Variants in DNAH5 observed in about 807,000 individuals in gnomAD.
The protein encoded by DNAH5 is axonemal beta dynein heavy chain 5.
DNAH5 carries 372 observed loss-of-function variants against 518.2 expected under a neutral mutation model. The observed-to-expected ratio is 0.72, with a 90% confidence interval of 0.66 to 0.78. DNAH5 has a LOEUF of 0.78. DNAH5 is among the 30% of genes least tolerant of loss of function. The pLI is 0.00. For synonymous variants in DNAH5, 2,039 were observed against 2,025.9 expected, an observed-to-expected ratio of 1.01 and a Z score of -0.17; for missense variants, 5,523 against 5,687.0, an observed-to-expected ratio of 0.97 and a Z score of 0.93.
At position 13,829,518 on chromosome 5, in the gene DNAH5, A is replaced by C; in HGVS notation, c.6436T>G (p.Ser2146Ala). Residue 2146 changes from serine (S) to alanine (A), a missense_variant, in exon 38 of 79, where the codon TCT becomes GCT. Physicochemically the swap from Ser to Ala is moderately conservative, Grantham distance 99. Transcript: ENST00000265104. ...CCTCCAGGATGACACACCTGCTTAGAAAGCTGCTCCTCACACAGTTTGTAG... is the reference window on the plus strand; with the variant it reads ...CCTCCAGGATGACACACCTGCTTAGCAAGCTGCTCCTCACACAGTTTGTAG... ...TLYKLCEEQL[S>A]KQVHYDFGLR... 6.2e-7 allele frequency: 1 copy of C among 1,614,208 alleles called. No homozygotes were observed. The highest frequency in any genetic ancestry group is 8.5e-7 in the Non-Finnish European group (1 of 1,180,030).
At chr5:13,711,397 C>T (rs1727095637) in intron 75 of DNAH5, among the ~76,000 whole-genome samples, 1 of 152,066 alleles carries the variant, frequency 6.6e-6, no homozygotes, top group South Asian at 2.1e-4. Context: ...TATGACAAAC[C>T]CACAACCAAC....
chr5:13,691,643 T>C lies in DNAH5; in HGVS notation c.*341A>G, dbSNP rs530012105. On this transcript the variant is annotated 3_prime_UTR_variant, in exon 79 of 79. Transcript: ENST00000265104. The stretch of plus-strand genomic sequence containing the variant: ...TTACCAGGCCACGTTAACAGAAGAA[T>C]AATTCCTCCCAGAGAAATACTGTCT... 28 of 274,526 alleles carry C rather than the reference T, an allele frequency of 1.0e-4. No individual in the cohort carries two copies. Among genetic ancestry groups the C allele is most frequent in the Non-Finnish European group, 1.8e-4 (26 of 142,004 alleles). 17.0% of individuals were successfully genotyped at this position (274,526 alleles called of 1,614,324 possible).
chr5:13,737,582 G>C, intron 65 of DNAH5, 87 bp from the exon 66 acceptor site: 1 of 1,392,426 alleles, frequency 7.2e-7, no homozygotes, highest in Non-Finnish European at 1.0e-6. Flanking sequence ...TGGCTGCTTT[G>C]AAGCTCCCAT....
intron 15 of DNAH5, among the ~76,000 whole-genome samples, chr5:13,895,278 G>A (rs1194060519): frequency 6.6e-6 from 1 of 151,232 alleles, no homozygotes; most frequent in Non-Finnish European, 1.5e-5. Context: ...AAAAAAAGAA[G>A]ACAAGGACTC....
chr5:13,750,270 C>T (rs1243390510), intron 65 of DNAH5, among the ~76,000 whole-genome samples: 1 of 152,106 alleles, frequency 6.6e-6, no homozygotes, highest in Non-Finnish European at 1.5e-5. Context: ...TCATTATTAT[C>T]GAACCCAGGA....
chr5:13,877,561 C>A (rs1173108594), intron 21 of DNAH5, among the ~76,000 whole-genome samples: 1 of 152,358 alleles, frequency 6.6e-6, no homozygotes, highest in African/African-American at 2.4e-5. Flanking sequence ...TCAATTCCAT[C>A]TGAGAGAAAG....
At chr5:13,915,345 T>C (rs1776531711) in intron 9 of DNAH5, among the ~76,000 whole-genome samples, 1 of 152,158 alleles carries the variant, frequency 6.6e-6, no homozygotes, top group African/African-American at 2.4e-5. Flanking sequence ...TCTCCTTTTG[T>C]ACCTAATTCA....
At chr5:13,993,733 C>T (rs148090143) in intron 1 of DNAH5, among the ~76,000 whole-genome samples, 1 of 152,312 alleles carries the variant, frequency 6.6e-6, no homozygotes, top group East Asian at 1.9e-4. Context: ...ATCAGCTTGC[C>T]TAATGTACAG....
intron 50 of DNAH5, among the ~76,000 whole-genome samples, chr5:13,790,418 G>GC (rs1356430686): frequency 3.3e-5 from 5 of 152,168 alleles, no homozygotes; most frequent in South Asian, 2.1e-4. Context: ...GGAGCTGGAG[G>GC]CCATTATCCT....
chr5:13,721,382 G>T, intron 70 of DNAH5, 137 bp from the exon 71 acceptor site: 1 of 998,356 alleles, frequency 1.0e-6, no homozygotes, highest in Non-Finnish European at 1.5e-6. Context: ...ACAGGGTAGA[G>T]ACTGTTTTTC....
intron 17 of DNAH5, among the ~76,000 whole-genome samples, chr5:13,886,445 G>A (rs956891560): frequency 6.6e-6 from 1 of 152,136 alleles, no homozygotes; most frequent in Admixed American, 6.5e-5. Flanking sequence ...CACATAAATC[G>A]GATCCAGCCA....
intron 1 of DNAH5, among the ~76,000 whole-genome samples, chr5:13,964,940 T>A (rs1286768053): frequency 6.6e-6 from 1 of 152,192 alleles, no homozygotes; most frequent in Admixed American, 6.5e-5. Flanking sequence ...ACCTTCAATG[T>A]CCAAAACATA....
chr5:13,970,436 A>T (rs1336922613), intron 1 of DNAH5, among the ~76,000 whole-genome samples: 1 of 149,940 alleles, frequency 6.7e-6, no homozygotes, highest in Non-Finnish European at 1.5e-5. Context: ...TATTTTGAGG[A>T]TTTGTTTCAA....
intron 5 of DNAH5, 95 bp downstream of exon 5, chr5:13,922,012 G>A: frequency 7.6e-7 from 1 of 1,321,262 alleles, no homozygotes; most frequent in Non-Finnish European, 1.1e-6. Flanking sequence ...GAAACATAGA[G>A]GAATTAAGAC....
intron 35 of DNAH5, among the ~76,000 whole-genome samples, chr5:13,831,238 T>G (rs975946113): frequency 1.3e-5 from 2 of 152,244 alleles, no homozygotes; most frequent in Admixed American, 1.3e-4. Flanking sequence ...TAGTTGGGAT[T>G]TAAAACACAC....
intron 69 of DNAH5, 43 bp from the exon 70 acceptor site, chr5:13,727,699 A>G: frequency 4.3e-6 from 7 of 1,609,592 alleles, no homozygotes; most frequent in Non-Finnish European, 5.1e-6. Context: ...GCCACCCAAC[A>G]ATCTTTCAGT....
intron 52 of DNAH5, among the ~76,000 whole-genome samples, chr5:13,782,957 C>T (rs1488647304): frequency 6.6e-6 from 1 of 152,158 alleles, no homozygotes; most frequent in Non-Finnish European, 1.5e-5. Flanking sequence ...CCCTGCCCCT[C>T]AGGAGCTCAC....
chr5:13,944,252 T>C (rs1779725245), intron 1 of DNAH5, 130 bp downstream of exon 1: 1 of 918,612 alleles, frequency 1.1e-6, no homozygotes, highest in Non-Finnish European at 1.8e-6. Flanking sequence ...GAACATTAGT[T>C]AAAAAATGTG....
rs895825108 is a variant in DNAH5, at chr5:13,916,824, A to G, written c.1089+319T>C. On this transcript the variant is annotated intron_variant, in intron 8 of 78. Coordinates refer to ENST00000265104, the MANE Select transcript of DNAH5 (RefSeq NM_001369.3). Reference sequence around the variant, plus strand: ...ATCACTAGCTAATGACTTTTCCCACAGTTCTTTGGGGTATATAGTTCAGAA... The same window carrying G: ...ATCACTAGCTAATGACTTTTCCCACGGTTCTTTGGGGTATATAGTTCAGAA... 3.4e-4 allele frequency among the ~76,000 whole-genome samples: 51 copies of G among 152,216 alleles called. 1 individual carries two copies. The highest frequency in any genetic ancestry group is 1.2e-3 in the African/African-American group (48 of 41,532).
Sources: allele counts gnomAD v4.1 joint callset (sites outside exome capture counted in the v4.1 genomes callset), GRCh38; gene constraint gnomAD v4.1.1; transcripts MANE v1.5; gene names NCBI Gene and HGNC (gene_info 2026-07-23, HGNC 2026-07-21).